The following EYS variants were observed in gnomAD, a reference collection of about 807,000 sequenced individuals.
The protein encoded by EYS is protein eyes shut homolog.
In EYS, 250 loss-of-function variants were observed where a neutral mutation model predicts 282.1. The ratio of observed to expected loss-of-function variants is 0.89; its 90% CI spans 0.80 to 0.98. The LOEUF (loss-of-function observed/expected upper bound fraction) is 0.98, where lower values mean the gene tolerates loss of function less well. EYS is among the 50% of genes least tolerant of loss of function. EYS has a pLI of 0.00. For missense variants in EYS, 4,016 were observed against 3,709.0 expected (o/e 1.08, Z -2.15); for synonymous variants, 1,355 against 1,282.9 (o/e 1.06, Z -1.20).
intron 31 of EYS, among the ~76,000 whole-genome samples, chr6:64,151,819 A>G (rs989215919): frequency 3.4e-4 from 52 of 152,336 alleles, no homozygotes; most frequent in Middle Eastern, 3.4e-3. Flanking sequence ...CAGTTTTACC[A>G]TCATATATAT....
intron 29 of EYS, among the ~76,000 whole-genome samples, chr6:64,366,988 T>A (rs1415853492): frequency 2.0e-5 from 3 of 152,052 alleles, no homozygotes; most frequent in Non-Finnish European, 2.9e-5. Flanking sequence ...GATTTGAAAA[T>A]AAACTGTTTC....
At chr6:64,916,746 G>T (rs984428651) in intron 15 of EYS, among the ~76,000 whole-genome samples, 1 of 152,156 alleles carries the variant, frequency 6.6e-6, no homozygotes, top group African/African-American at 2.4e-5. Flanking sequence ...ACAATTTCTG[G>T]TAGTAAACAC....
intron 36 of EYS, among the ~76,000 whole-genome samples, chr6:63,834,259 G>C (rs1046127948): frequency 4.6e-5 from 7 of 151,986 alleles, no homozygotes; most frequent in African/African-American, 9.7e-5. Flanking sequence ...AAACTACCAT[G>C]AGAGTGAACA....
At chr6:64,465,848 A>G (rs997981235) in intron 26 of EYS, among the ~76,000 whole-genome samples, 9 of 152,238 alleles carry the variant, frequency 5.9e-5, no homozygotes, top group African/African-American at 2.2e-4. Context: ...TTTGGAAACC[A>G]TACATCTGTT....
chr6:63,812,618 G>A (rs1771078017), intron 36 of EYS, among the ~76,000 whole-genome samples: 1 of 152,046 alleles, frequency 6.6e-6, no homozygotes, highest in African/African-American at 2.4e-5. Flanking sequence ...TTTATCAAAT[G>A]GTTGAATACA....
intron 13 of EYS, among the ~76,000 whole-genome samples, chr6:65,000,130 A>G (rs893776526): frequency 2.0e-5 from 3 of 152,104 alleles, no homozygotes; most frequent in African/African-American, 7.2e-5. Flanking sequence ...AGCTGTAGAC[A>G]TTCACCCCTA....
intron 33 of EYS, among the ~76,000 whole-genome samples, chr6:64,064,244 T>C (rs1334559002): frequency 5.9e-5 from 9 of 152,180 alleles, no homozygotes; most frequent in Admixed American, 5.9e-4. Context: ...TTTTCTGTTT[T>C]GGCTTACCAT....
At chr6:64,484,652 C>T (rs1470090735) in intron 26 of EYS, among the ~76,000 whole-genome samples, 1 of 151,520 alleles carries the variant, frequency 6.6e-6, no homozygotes, top group Non-Finnish European at 1.5e-5. Flanking sequence ...ATGAATTATT[C>T]CTGTGGATGC....
At chr6:64,280,800 T>A (rs1768279547) in intron 30 of EYS, among the ~76,000 whole-genome samples, 1 of 152,118 alleles carries the variant, frequency 6.6e-6, no homozygotes, top group African/African-American at 2.4e-5. Flanking sequence ...TCAGGTTTGG[T>A]TTATTGATGA....
At chr6:64,414,616 C>T (rs1041520756) in intron 28 of EYS, among the ~76,000 whole-genome samples, 1 of 152,036 alleles carries the variant, frequency 6.6e-6, no homozygotes, top group African/African-American at 2.4e-5. Flanking sequence ...TAAAATTATG[C>T]AAATAATAAA....
chr6:65,236,748 C>G (rs931904291), intron 12 of EYS, among the ~76,000 whole-genome samples: 1 of 152,084 alleles, frequency 6.6e-6, no homozygotes, highest in Admixed American at 6.6e-5. Context: ...CTTTCATGTA[C>G]TATGACTATA....
chr6:64,144,838 G>T (rs1774457965), intron 31 of EYS, among the ~76,000 whole-genome samples: 1 of 152,122 alleles, frequency 6.6e-6, no homozygotes, highest in African/African-American at 2.4e-5. Context: ...ACGTGTTGGG[G>T]ATGGATGGAA....
At chr6:64,726,811 C>A (rs982471891) in intron 22 of EYS, among the ~76,000 whole-genome samples, 1 of 152,008 alleles carries the variant, frequency 6.6e-6, no homozygotes, top group Non-Finnish European at 1.5e-5. Flanking sequence ...AGAACGAAAA[C>A]AAAATCTATA....
rs529809417 is a variant in EYS, at chr6:65,343,699, C to A, written c.1599+339G>T. Among the ~76,000 whole-genome samples the A allele has an allele frequency of 2.6e-5, 4 of 151,188 alleles. No homozygotes were observed. In the East Asian group the frequency reaches 7.8e-4, roughly 30 times the overall value. Reference sequence around the variant, plus strand: ...TTTAAACATATCCAAAAGACAAATGCATTTCATTATGATCTGTAAGCAAAA... The same window carrying A: ...TTTAAACATATCCAAAAGACAAATGAATTTCATTATGATCTGTAAGCAAAA... On this transcript the variant is annotated intron_variant, in intron 10 of 42. Transcript: ENST00000503581.
At chr6:64,913,884 G>A (rs955212910) in intron 15 of EYS, among the ~76,000 whole-genome samples, 4 of 152,128 alleles carry the variant, frequency 2.6e-5, no homozygotes, top group African/African-American at 7.2e-5. Context: ...AATAATGTGC[G>A]ATAATTGAAG....
intron 29 of EYS, among the ~76,000 whole-genome samples, chr6:64,351,333 T>C (rs1219817996): frequency 6.6e-6 from 1 of 151,548 alleles, no homozygotes; most frequent in Admixed American, 6.6e-5. Context: ...AAAGAATTAT[T>C]CTGACAGAGG....
chr6:64,407,145 GC>G (rs528014127), intron 28 of EYS, among the ~76,000 whole-genome samples: 3 of 152,290 alleles, frequency 2.0e-5, no homozygotes, highest in Non-Finnish European at 4.4e-5. Context: ...CATGTCCTTT[GC>G]AGGGACATGG....
chr6:65,249,990 G>T (rs1252438996), intron 12 of EYS, among the ~76,000 whole-genome samples: 1 of 152,066 alleles, frequency 6.6e-6, no homozygotes, highest in Non-Finnish European at 1.5e-5. Flanking sequence ...TGTAAGAGAG[G>T]TTCAAGCATT....
chr6:65,321,170 T>G (rs1285998002), intron 11 of EYS, among the ~76,000 whole-genome samples: 2 of 149,510 alleles, frequency 1.3e-5, no homozygotes, highest in African/African-American at 4.9e-5. Flanking sequence ...TTTTGGCAGA[T>G]GCAGTATTCT....
Sources: gnomAD v4.1 joint callset for allele counts (sites outside exome capture counted in the v4.1 genomes callset) on GRCh38, gnomAD v4.1.1 for gene constraint, MANE v1.5 for transcripts, NCBI Gene and HGNC (gene_info 2026-07-23, HGNC 2026-07-21) for gene names.